LTN1: variants seen among roughly 807,000 people sequenced by gnomAD.
LTN1 encodes listerin E3 ubiquitin protein ligase 1.
In LTN1, 88 loss-of-function variants were observed where a neutral mutation model predicts 201.2. The observed-to-expected ratio is 0.44, with a 90% CI of 0.37 to 0.52. The LOEUF (loss-of-function observed/expected upper bound fraction) is 0.52, where lower values mean the gene tolerates loss of function less well. Ranked by LOEUF, LTN1 falls within the 20% of genes least tolerant of loss-of-function variation. The pLI is 0.00. For missense variants in LTN1, 1,752 were observed against 2,038.7 expected, an observed-to-expected ratio of 0.86 and a Z score of 2.71; for synonymous variants, 645 against 713.5, an observed-to-expected ratio of 0.90 and a Z score of 1.53.
At chr21:28,976,325 C>T (rs1376383601) in intron 6 of LTN1, among the ~76,000 whole-genome samples, 4 of 152,136 alleles carry the variant, frequency 2.6e-5, no homozygotes, top group African/African-American at 7.2e-5. Flanking sequence ...AGAGGCCAGG[C>T]ATGGTGGCTC....
chr21:28,974,613 C>G (rs1368630419), intron 6 of LTN1, among the ~76,000 whole-genome samples: 1 of 152,176 alleles, frequency 6.6e-6, no homozygotes, highest in Admixed American at 6.5e-5. Context: ...AGACTGACAT[C>G]TTTCTGGCCA....
intron 24 of LTN1, 57 bp from the exon 25 acceptor site, chr21:28,941,463 T>C: frequency 3.1e-6 from 4 of 1,308,030 alleles, no homozygotes; most frequent in Non-Finnish European, 4.3e-6. Flanking sequence ...CCTTAACAAA[T>C]TGACAGTACT....
At chr21:28,989,747 C>T (rs2084730358) in intron 1 of LTN1, among the ~76,000 whole-genome samples, 1 of 152,150 alleles carries the variant, frequency 6.6e-6, no homozygotes, top group Non-Finnish European at 1.5e-5. Context: ...GTGGCTCACA[C>T]CTGTAATCCC....
At chr21:28,985,584 G>A (rs2084691875) in intron 3 of LTN1, among the ~76,000 whole-genome samples, 1 of 151,630 alleles carries the variant, frequency 6.6e-6, no homozygotes, top group Non-Finnish European at 1.5e-5. Context: ...AAGCACCTGG[G>A]TAATTCTCCA....
intron 8 of LTN1, 126 bp downstream of exon 8, chr21:28,970,426 T>A (rs2084564138): frequency 1.5e-6 from 1 of 683,164 alleles, no homozygotes; most frequent in Admixed American, 2.9e-5. Flanking sequence ...ATTGTAATTC[T>A]CTGAAAACTT....
intron 6 of LTN1, among the ~76,000 whole-genome samples, chr21:28,976,925 T>G (rs2084619679): frequency 6.6e-6 from 1 of 152,094 alleles, no homozygotes; most frequent in Admixed American, 6.5e-5. Flanking sequence ...TCTAGCTAAT[T>G]TTTTTACATT....
chr21:28,959,105 T>C lies in LTN1; in HGVS notation c.2593+353A>G, dbSNP rs142914916. On this transcript the variant is annotated intron_variant, in intron 13 of 29. Coordinates refer to ENST00000361371, the MANE Select transcript of LTN1 (RefSeq NM_015565.3). ...TTTGATATACACCAAAGATTGAATG[T>C]TTTTACTATAATAAAGGGATATTAT... is the stretch of plus-strand genomic sequence containing the variant. 2.3e-4 allele frequency among the ~76,000 whole-genome samples: 35 copies of C among 152,300 alleles called. 1 individual carries two copies. The East Asian group carries it at 6.6e-3, about 29-fold the overall frequency.
At chr21:28,975,876 T>C (rs1037977780) in intron 6 of LTN1, among the ~76,000 whole-genome samples, 1 of 152,214 alleles carries the variant, frequency 6.6e-6, no homozygotes, top group African/African-American at 2.4e-5. Context: ...TAAAAACATA[T>C]GTTCACACGA....
At chr21:28,949,986 T>C (rs1211713248) in intron 18 of LTN1, among the ~76,000 whole-genome samples, 3 of 152,202 alleles carry the variant, frequency 2.0e-5, no homozygotes, top group Admixed American at 2.0e-4. Flanking sequence ...AATTTCATAC[T>C]GCTTAATTAC....
intron 6 of LTN1, among the ~76,000 whole-genome samples, chr21:28,976,626 G>A (rs1443393489): frequency 3.3e-5 from 5 of 151,362 alleles, no homozygotes; most frequent in Non-Finnish European, 7.4e-5. Context: ...AATTGAAAGA[G>A]ATGAGAAGTT....
chr21:28,958,589 C>T lies in LTN1; in HGVS notation c.2594-50G>A, dbSNP rs749557339. The T allele has an allele frequency of 3.0e-6, 4 of 1,343,822 alleles. No individual in the cohort carries two copies. In the East Asian group the frequency reaches 9.6e-5, roughly 32 times the overall value. The allele number at this position is 1,343,822 out of a possible 1,614,324, so 83.2% of individuals were successfully genotyped here. ...TTTGTAATCTCACTGAATTAACTCT[C>T]ATCAGCACAAAATGTTTGAAACAAC... On this transcript the variant is annotated intron_variant, in intron 13 of 29. Coordinates refer to ENST00000361371, the MANE Select transcript of LTN1 (RefSeq NM_015565.3).
chr21:28,991,746 G>A (rs1027700865), intron 1 of LTN1, among the ~76,000 whole-genome samples: 1 of 152,170 alleles, frequency 6.6e-6, no homozygotes, highest in Non-Finnish European at 1.5e-5. Flanking sequence ...TGTTAATACT[G>A]TTATTATCTT....
At position 28,965,886 on chromosome 21, in the gene LTN1, A is replaced by G; in HGVS notation, c.2142T>C (p.Ser714=). 6.6e-7 allele frequency: 1 copy of G among 1,522,468 alleles called. No individual in the cohort carries two copies. The highest frequency in any genetic ancestry group is 1.2e-5 in the South Asian group (1 of 83,552). The allele number at this position is 1,522,468 out of a possible 1,614,324, so 94.3% of individuals were successfully genotyped here. A position where few individuals can be genotyped will look rare whatever the true frequency, so the allele number is the denominator to read the frequency against. Residue 714 remains serine (S), a synonymous_variant, in exon 11 of 30, where the codon TCT becomes TCC. Transcript: ENST00000361371. ...DLTKVDLKWN[S]LLKIIEKACP... ...ATACCTTTTCAATAATCTTAAGAAGAGAATTCCATTTCAAGTCCACCTGAA... is the reference window on the plus strand; with the variant it reads ...ATACCTTTTCAATAATCTTAAGAAGGGAATTCCATTTCAAGTCCACCTGAA...
At chr21:28,988,160 C>CAGA (rs2084714839) in intron 1 of LTN1, among the ~76,000 whole-genome samples, 1 of 115,534 alleles carries the variant, frequency 8.7e-6, no homozygotes, top group African/African-American at 3.0e-5. Context: ...AAAAAAACAA[C>CAGA]AAAAAAAAAC....
intron 16 of LTN1, among the ~76,000 whole-genome samples, chr21:28,955,286 T>C (rs182925732): frequency 7.2e-5 from 11 of 151,960 alleles, no homozygotes; most frequent in African/African-American, 2.4e-4. Context: ...GGCAACATAG[T>C]AACACCCCAT....
chr21:28,930,002 AAAT>A lies in LTN1; in HGVS notation c.*443_*445del, dbSNP rs2084198524. ...ATACTAATTTATTGTCATAACTAAT[AAAT>A]AAGGCTTAAAATATCTATAGATGTA... is the stretch of plus-strand genomic sequence containing the variant. On this transcript the variant is annotated 3_prime_UTR_variant, in exon 30 of 30. Transcript: ENST00000361371. The A allele has an allele frequency of 6.5e-6, 1 of 152,678 alleles. No individual in the cohort carries two copies. The highest frequency in any genetic ancestry group is 1.5e-5 in the Non-Finnish European group (1 of 68,386). 9.5% of individuals were successfully genotyped at this position (152,678 alleles called of 1,614,324 possible). A position where few individuals can be genotyped will look rare whatever the true frequency, so the allele number is the denominator to read the frequency against.
intron 6 of LTN1, among the ~76,000 whole-genome samples, chr21:28,976,934 T>C (rs933199141): frequency 1.3e-5 from 2 of 152,122 alleles, no homozygotes; most frequent in African/African-American, 2.4e-5. Flanking sequence ...TTTTTTTACA[T>C]TTTTTAGATG....
At chr21:28,973,191 T>TA (rs2084588760) in intron 6 of LTN1, among the ~76,000 whole-genome samples, 1 of 151,348 alleles carries the variant, frequency 6.6e-6, no homozygotes, top group African/African-American at 2.4e-5. Context: ...TTACTAAAAA[T>TA]ACAAAAATTA....
chr21:28,973,479 T>C lies in LTN1; in HGVS notation c.811-2035A>G, dbSNP rs557708915. On this transcript the variant is annotated intron_variant, in intron 6 of 29. Coordinates refer to ENST00000361371, the MANE Select transcript of LTN1 (RefSeq NM_015565.3). ...TGTGAGATTTAAAAATACATACATATCTAACCCCACAAAATATTTTATGTA... is the reference window on the plus strand; with the variant it reads ...TGTGAGATTTAAAAATACATACATACCTAACCCCACAAAATATTTTATGTA... 5.9e-5 allele frequency among the ~76,000 whole-genome samples: 9 copies of C among 151,626 alleles called. No individual in the cohort carries two copies. The East Asian group carries it at 7.7e-4, about 13-fold the overall frequency.
Sources: gnomAD v4.1 joint callset for allele counts (sites outside exome capture counted in the v4.1 genomes callset) on GRCh38, gnomAD v4.1.1 for gene constraint, MANE v1.5 for transcripts, NCBI Gene and HGNC (gene_info 2026-07-23, HGNC 2026-07-21) for gene names.